Variants in TENM2 observed in about 807,000 individuals in gnomAD.
TENM2 encodes the protein teneurin-2.
Under a neutral mutation model 245.2 loss-of-function variants are expected in TENM2, and 52 were observed. The ratio of observed to expected loss-of-function variants is 0.21; its 90% CI spans 0.17 to 0.27. The LOEUF is 0.27. Ranked by LOEUF, TENM2 falls within the 10% of genes least tolerant of loss-of-function variation. The pLI is 1.00. For synonymous variants in TENM2, 1,363 were observed against 1,438.9 expected (o/e 0.95, Z 1.19); for missense variants, 3,046 against 3,666.8 (o/e 0.83, Z 4.37).
rs566515727 is a variant in TENM2 at position 167,688,595 on chromosome 5, C to T, written c.503-187391C>T. Among the ~76,000 whole-genome samples, 8 of 152,302 alleles carry T rather than the reference C, an allele frequency of 5.3e-5. No homozygotes were observed. The South Asian group carries it at 1.7e-3, about 32-fold the overall frequency. On this transcript the variant is annotated intron_variant, in intron 2 of 28. Coordinates refer to ENST00000518659, the Ensembl canonical transcript of TENM2. ...GTGTCAGATTTATACAAACCCATCTCCTGTGTATTGCACCATGTCCTAGAA... is the reference window on the plus strand; with the variant it reads ...GTGTCAGATTTATACAAACCCATCTTCTGTGTATTGCACCATGTCCTAGAA...
rs563044114 is a variant in TENM2 at position 167,350,631 on chromosome 5, A to G, written c.227-24567A>G. Among the ~76,000 whole-genome samples the G allele has an allele frequency of 5.4e-5, 8 of 147,012 alleles. No individual in the cohort carries two copies. The South Asian group carries it at 1.5e-3, about 27-fold the overall frequency. On this transcript the variant is annotated intron_variant, in intron 1 of 28. Coordinates refer to ENST00000518659, the Ensembl canonical transcript of TENM2. ...ATATATGGGATACATATGTGGATAT[A>G]TATATATGGGATACGTATATGGATA... is the stretch of plus-strand genomic sequence containing the variant.
At chr5:167,598,356 G>A (rs148900246) in intron 2 of TENM2, among the ~76,000 whole-genome samples, 90 of 152,228 alleles carry the variant, frequency 5.9e-4, no homozygotes, top group African/African-American at 1.9e-3. Flanking sequence ...GTAGCAAGTC[G>A]GTGCCAACAT....
chr5:167,242,982 G>A, the TENM2 span, among the ~76,000 whole-genome samples: 8 of 151,756 alleles, frequency 5.3e-5, no homozygotes, highest in African/African-American at 1.7e-4. Context: ...GATTCTGTGC[G>A]TATGTAAATG....
intron 9 of TENM2, among the ~76,000 whole-genome samples, chr5:168,117,075 C>A (rs948795585): frequency 6.6e-6 from 1 of 152,190 alleles, no homozygotes; most frequent in African/African-American, 2.4e-5. Flanking sequence ...AGGAGACCGA[C>A]CACTGAAATC....
chr5:168,078,207 T>C (rs972843363), intron 7 of TENM2, among the ~76,000 whole-genome samples: 1 of 152,258 alleles, frequency 6.6e-6, no homozygotes, highest in African/African-American at 2.4e-5. Flanking sequence ...CATGTGTCTG[T>C]TGGCTGCATA....
intron 2 of TENM2, among the ~76,000 whole-genome samples, chr5:167,640,958 C>T (rs901633995): frequency 1.5e-5 from 2 of 135,266 alleles, no homozygotes; most frequent in African/African-American, 5.3e-5. Context: ...ATCAGCATAT[C>T]ACCACCACCT....
intron 3 of TENM2, among the ~76,000 whole-genome samples, chr5:167,878,237 C>T (rs111356194): frequency 1.3e-5 from 2 of 152,300 alleles, no homozygotes; most frequent in African/African-American, 4.8e-5. Flanking sequence ...GTGGACACAA[C>T]AGATCTGTGT....
chr5:168,007,705 G>A (rs1253731385), intron 5 of TENM2, among the ~76,000 whole-genome samples: 1 of 152,172 alleles, frequency 6.6e-6, no homozygotes, highest in Non-Finnish European at 1.5e-5. Context: ...TCTACTTCAA[G>A]GATGGTTGTT....
At chr5:167,672,569 A>C (rs1055042642) in intron 2 of TENM2, among the ~76,000 whole-genome samples, 1 of 152,040 alleles carries the variant, frequency 6.6e-6, no homozygotes, top group Non-Finnish European at 1.5e-5. Context: ...CTTTCAGTAG[A>C]AGCTTAGAAT....
rs141880653 is a variant in TENM2, at chr5:167,543,732, C to T, written c.502+168259C>T. 8.2e-3 allele frequency among the ~76,000 whole-genome samples: 1,249 copies of T among 152,216 alleles called. 5 individuals carry two copies. Among genetic ancestry groups the T allele is most frequent in the Non-Finnish European group, 0.013 (906 of 67,998 alleles). On this transcript the variant is annotated intron_variant, in intron 2 of 28. Transcript: ENST00000518659. ...TTGAAATCTGTAAGAGAGAATTCTT[C>T]CTTGCCCCTTTCTAGCTTACGGTGA...
chr5:167,955,147 A>G (rs990016490), intron 4 of TENM2, among the ~76,000 whole-genome samples: 8 of 152,270 alleles, frequency 5.3e-5, no homozygotes, highest in Non-Finnish European at 1.0e-4. Context: ...CTGACTTTCA[A>G]TGATCGCCAT....
Position 167,997,648 on chromosome 5 carries a change from T to C in TENM2, c.1186+4466T>C, listed in dbSNP as rs368952894. Among the ~76,000 whole-genome samples the C allele has an allele frequency of 2.0e-5, 3 of 152,234 alleles. No homozygotes were observed. In the East Asian group the frequency reaches 5.8e-4, roughly 29 times the overall value. The stretch of plus-strand genomic sequence containing the variant: ...TGGCTGTGCACCCATAAAATTTTAA[T>C]TATGCCCCCTGGTTTTTTAGTTTAA... On this transcript the variant is annotated intron_variant, in intron 5 of 28. Transcript: ENST00000518659.
At chr5:167,041,662 A>G in the TENM2 span, among the ~76,000 whole-genome samples, 1 of 152,248 alleles carries the variant, frequency 6.6e-6, no homozygotes, top group African/African-American at 2.4e-5. Context: ...GCATGAAATT[A>G]TGCATTTATG....
chr5:168,049,039 A>G lies in TENM2; in HGVS notation c.1309+1490A>G, dbSNP rs543354935. On this transcript the variant is annotated intron_variant, in intron 6 of 28. Coordinates refer to ENST00000518659, the Ensembl canonical transcript of TENM2. Reference sequence around the variant, plus strand: ...AACCTGGTCACCTCCAGTACTTGACACTGTCTGCTCCTTCAGTTTTATCTA... The same window carrying G: ...AACCTGGTCACCTCCAGTACTTGACGCTGTCTGCTCCTTCAGTTTTATCTA... Among the ~76,000 whole-genome samples, 18 of 152,300 alleles carry G rather than the reference A, an allele frequency of 1.2e-4. No homozygotes were observed. In the South Asian group the frequency reaches 1.2e-3, roughly 11 times the overall value.
intron 2 of TENM2, among the ~76,000 whole-genome samples, chr5:167,720,385 T>C (rs558744418): frequency 6.6e-6 from 1 of 152,320 alleles, no homozygotes; most frequent in East Asian, 1.9e-4. Context: ...GTCCAGGCAG[T>C]GATGAAACCA....
chr5:167,321,330 G>A (rs1756709509), intron 1 of TENM2, among the ~76,000 whole-genome samples: 1 of 152,186 alleles, frequency 6.6e-6, no homozygotes, highest in South Asian at 2.1e-4. Flanking sequence ...GGAAATGGGT[G>A]TCATTCCTGA....
In TENM2 at chr5:167,693,227, C is replaced by T. The variant is rs559776955; in HGVS notation, c.503-182759C>T. ...TATACCATTCCACTGCCGCAATTGC[C>T]GTACCAAATCTCCAAAGACTAAGAA... On this transcript the variant is annotated intron_variant, in intron 2 of 28. Coordinates refer to ENST00000518659, the Ensembl canonical transcript of TENM2. Among the ~76,000 whole-genome samples, 78 of 152,190 alleles carry T rather than the reference C, an allele frequency of 5.1e-4. 1 individual carries two copies. Among genetic ancestry groups the T allele is most frequent in the Middle Eastern group, 3.4e-3 (1 of 294 alleles).
rs1181850052 is a variant in TENM2, at chr5:168,226,080, C to T, written c.5109-8C>T. The T allele has an allele frequency of 1.2e-6, 2 of 1,610,270 alleles. No individual in the cohort carries two copies. Among genetic ancestry groups the T allele is most frequent in the Non-Finnish European group, 8.5e-7 (1 of 1,178,492 alleles). On this transcript the variant is annotated splice_polypyrimidine_tract_variant and splice_region_variant and intron_variant, in intron 23 of 28. Coordinates refer to ENST00000518659, the Ensembl canonical transcript of TENM2. ...CCAGGGTTTATCTATCTATCTATCT[C>T]CCCCCAGCTATGACCACGAAGGCCG... is the stretch of plus-strand genomic sequence containing the variant.
At chr5:167,949,927 CAGTT>C (rs1189588378) in intron 3 of TENM2, among the ~76,000 whole-genome samples, 1 of 152,116 alleles carries the variant, frequency 6.6e-6, no homozygotes, top group African/African-American at 2.4e-5. Context: ...AAATGAGCAA[CAGTT>C]AGGAGGAGAA....
Sources: allele counts gnomAD v4.1 joint callset (sites outside exome capture counted in the v4.1 genomes callset), GRCh38; gene constraint gnomAD v4.1.1; transcripts MANE v1.5; gene names NCBI Gene and HGNC (gene_info 2026-07-23, HGNC 2026-07-21).